EPHA4: variants seen among roughly 807,000 people sequenced by gnomAD.
The protein encoded by EPHA4 is EPH receptor A4, also known as ephrin type-A receptor 4.
Under a neutral mutation model 108.3 loss-of-function variants are expected in EPHA4, and 19 were observed. The ratio of observed to expected loss-of-function variants is 0.18; its 90% CI spans 0.12 to 0.26. The LOEUF (loss-of-function observed/expected upper bound fraction) is 0.26. Among genes scored for constraint, EPHA4 ranks in the 10% least tolerant of loss-of-function variants. The pLI, the probability that EPHA4 is intolerant of heterozygous loss-of-function variation, is 1.00. For missense variants in EPHA4, 917 were observed against 1,254.0 expected, an observed-to-expected ratio of 0.73 and a Z score of 4.06; for synonymous variants, 449 against 455.5, an observed-to-expected ratio of 0.99 and a Z score of 0.18.
Position 221,426,508 on chromosome 2 carries a change from A to C in EPHA4, c.2802T>G (p.Ala934=), listed in dbSNP as rs201932429. 3.7e-6 allele frequency: 6 copies of C among 1,613,824 alleles called. No individual in the cohort carries two copies. The highest frequency in any genetic ancestry group is 4.2e-6 in the Non-Finnish European group (5 of 1,179,978). ...KMDRYKDNFT[A]AGYTTLEAVV... ...CAGCCTCTAGTGTGGTATAACCAGC[A>C]GCTGTGAAGTTATCCTTATACCGGT... is the stretch of plus-strand genomic sequence containing the variant. The change falls in exon 16 of 18, where the codon GCT becomes GCG. Residue 934 remains alanine (A), a synonymous_variant. Transcript: ENST00000281821.
At chr2:221,565,054 C>T (rs1427623439) in intron 2 of EPHA4, among the ~76,000 whole-genome samples, 1 of 152,022 alleles carries the variant, frequency 6.6e-6, no homozygotes, top group Non-Finnish European at 1.5e-5. Flanking sequence ...TAACAGTAGA[C>T]AACTTTTCAA....
chr2:221,560,252 A>T (rs1043843408), intron 3 of EPHA4, among the ~76,000 whole-genome samples: 3 of 152,334 alleles, frequency 2.0e-5, no homozygotes, highest in African/African-American at 7.2e-5. Context: ...GTCCTGCCAC[A>T]GTAGAACCAT....
At chr2:221,494,490 C>T (rs1692247434) in intron 4 of EPHA4, among the ~76,000 whole-genome samples, 1 of 152,102 alleles carries the variant, frequency 6.6e-6, no homozygotes, top group African/African-American at 2.4e-5. Flanking sequence ...TCTGTAAATC[C>T]CAGCTACTTG....
chr2:221,439,269 T>C (rs770652845), intron 11 of EPHA4, among the ~76,000 whole-genome samples: 1 of 149,526 alleles, frequency 6.7e-6, no homozygotes, highest in Non-Finnish European at 1.5e-5. Flanking sequence ...TCAATACAAA[T>C]AGGAAATGCT....
At chr2:221,500,990 G>T in intron 4 of EPHA4, 27 bp downstream of exon 4, 1 of 1,539,288 alleles carries the variant, frequency 6.5e-7, no homozygotes, top group East Asian at 2.4e-5. Context: ...TGGCATCACA[G>T]GAATGAGAGA....
Position 221,571,817 on chromosome 2 carries a change from T to C in EPHA4, c.91+341A>G, listed in dbSNP as rs1694846439. ...CCCCGGGCTGGCTCAGGAGAGGACG[T>C]GGTTCTTGTAATTTTTTTTTTAAAT... On this transcript the variant is annotated intron_variant, in intron 1 of 17. Transcript: ENST00000281821. The surrounding 1 kb of genome is among the most constrained non-coding windows in gnomAD (Gnocchi z 6.3). 6.6e-6 allele frequency among the ~76,000 whole-genome samples: 1 copy of C among 152,100 alleles called. No individual in the cohort carries two copies. Among genetic ancestry groups the C allele is most frequent in the Non-Finnish European group, 1.5e-5 (1 of 68,004 alleles).
At chr2:221,448,272 C>T (rs930999783) in intron 8 of EPHA4, among the ~76,000 whole-genome samples, 4 of 152,048 alleles carry the variant, frequency 2.6e-5, no homozygotes, top group Admixed American at 1.3e-4. Flanking sequence ...AAGAGGATCA[C>T]CACGTGCTCT....
intron 8 of EPHA4, among the ~76,000 whole-genome samples, chr2:221,453,474 T>C (rs538681618): frequency 6.6e-6 from 1 of 152,176 alleles, no homozygotes; most frequent in Admixed American, 6.5e-5. Context: ...CAAAACTAAA[T>C]GGCAATGTAC....
rs1212957127 is a variant in EPHA4 at position 221,430,095 on chromosome 2, A to C, written c.2553T>G (p.Ile851Met). 2.5e-6 allele frequency: 4 copies of C among 1,613,446 alleles called. No individual in the cohort carries two copies. In the African/African-American group the frequency reaches 4.0e-5, roughly 16 times the overall value. Reference protein sequence around the residue: ...YRLPPPMDCPIALHQLMLDCW... With the variant: ...YRLPPPMDCPMALHQLMLDCW... ...AGTCTAGCATCAGCTGGTGGAGCGC[A>C]ATGGGGCAGTCCATTGGAGGGGGTA... The change falls in exon 15 of 18, where the codon ATT becomes ATG. Residue 851 changes from isoleucine to methionine, a missense_variant. Around this residue, in one of 3 missense-constraint regions of EPHA4, gnomAD observed 133 missense variants for 132.8 expected, o/e 1.00. Transcript: ENST00000281821.
Position 221,436,388 on chromosome 2 carries a change from A to T in EPHA4, c.2346+11T>A. On this transcript the variant is annotated intron_variant, in intron 13 of 17. Transcript: ENST00000281821. The stretch of plus-strand genomic sequence containing the variant: ...CAGAGTGAAAGCCCAGATGTCACCG[A>T]TCTTTCTTACCCTGGTGGTGTAAGC... The T allele has an allele frequency of 6.2e-7, 1 of 1,613,192 alleles. No homozygotes were observed. The highest frequency in any genetic ancestry group is 8.5e-7 in the Non-Finnish European group (1 of 1,179,160).
Position 221,564,191 on chromosome 2 carries a change from C to A in EPHA4, c.363G>T (p.Thr121=), listed in dbSNP as rs752193754. 3 of 1,614,126 alleles carry A rather than the reference C, an allele frequency of 1.9e-6. No individual in the cohort carries two copies. Among genetic ancestry groups the A allele is most frequent in the Non-Finnish European group, 2.5e-6 (3 of 1,180,016 alleles). The part of the protein sequence containing the change: ...LPGVMGTCKE[T]FNLYYYESDN... The stretch of plus-strand genomic sequence containing the variant: ...CTGATTCATAGTAGTACAGGTTAAA[C>A]GTCTCCTTGCAAGTCCCCATGACGC... Residue 121 remains threonine, a synonymous_variant, in exon 3 of 18, where the codon ACG becomes ACT. Transcript: ENST00000281821.
intron 5 of EPHA4, among the ~76,000 whole-genome samples, chr2:221,479,549 A>C (rs1387833884): frequency 1.3e-5 from 2 of 152,354 alleles, no homozygotes; most frequent in East Asian, 3.9e-4. Context: ...ATTTAATTTA[A>C]TGAAATGATA....
At chr2:221,449,285 C>A (rs1474968424) in intron 8 of EPHA4, among the ~76,000 whole-genome samples, 1 of 152,108 alleles carries the variant, frequency 6.6e-6, no homozygotes, top group Non-Finnish European at 1.5e-5. Context: ...CCATTATCAT[C>A]CCAGGAAAGA....
chr2:221,491,518 C>G (rs1692142810), intron 4 of EPHA4, among the ~76,000 whole-genome samples: 1 of 152,112 alleles, frequency 6.6e-6, no homozygotes, highest in Non-Finnish European at 1.5e-5. Context: ...CATAGAGATA[C>G]AAATAATATA....
At chr2:221,564,446 A>G in intron 2 of EPHA4, 52 bp from the exon 3 acceptor site, 1 of 1,540,978 alleles carries the variant, frequency 6.5e-7, no homozygotes, top group Non-Finnish European at 8.8e-7. Context: ...TCATGCAGTG[A>G]TTTGTCAATC....
intron 5 of EPHA4, among the ~76,000 whole-genome samples, chr2:221,465,060 A>G (rs1475782404): frequency 6.6e-6 from 1 of 151,650 alleles, no homozygotes; most frequent in East Asian, 1.9e-4. Flanking sequence ...TTTTTTTTCC[A>G]TAAAGTGATT....
chr2:221,469,706 C>T (rs1691419922), intron 5 of EPHA4, among the ~76,000 whole-genome samples: 1 of 152,182 alleles, frequency 6.6e-6, no homozygotes, highest in Non-Finnish European at 1.5e-5. Flanking sequence ...AAGACCTGGA[C>T]TGAGACCAAT....
chr2:221,568,586 T>TAGGCC, intron 2 of EPHA4, 132 bp downstream of exon 2: 1 of 617,396 alleles, frequency 1.6e-6, no homozygotes, highest in Non-Finnish European at 2.7e-6. Flanking sequence ...CAAAGCGTAA[T>TAGGCC]TCACTTCATA....
chr2:221,569,633 T>A (rs1694768342), intron 1 of EPHA4, among the ~76,000 whole-genome samples: 1 of 151,814 alleles, frequency 6.6e-6, no homozygotes, highest in Non-Finnish European at 1.5e-5. Flanking sequence ...AGGGACGCAA[T>A]GAATTCAAAA....
Sources: gnomAD v4.1 joint callset for allele counts (sites outside exome capture counted in the v4.1 genomes callset) on GRCh38, gnomAD v4.1.1 for gene constraint, gnomAD v4.1.1 regional missense constraint, Gnocchi (gnomAD v3.1) non-coding constraint, MANE v1.5 for transcripts, NCBI Gene and HGNC (gene_info 2026-07-23, HGNC 2026-07-21) for gene names.